The following PAX3 variants were observed in gnomAD, a reference collection of about 807,000 sequenced individuals.
PAX3 encodes paired box protein Pax-3.
A neutral mutation model predicts 51.6 loss-of-function variants in PAX3; 14 were observed. The ratio of observed to expected loss-of-function variants is 0.27; its 90% confidence interval spans 0.18 to 0.42. The LOEUF (loss-of-function observed/expected upper bound fraction) is 0.42, where lower values mean the gene tolerates loss of function less well. PAX3 is among the 10% of genes least tolerant of loss of function. The pLI is 1.00. For missense variants in PAX3, 540 were observed against 642.8 expected, an observed-to-expected ratio of 0.84 and a Z score of 1.73; for synonymous variants, 280 against 253.4, an observed-to-expected ratio of 1.11 and a Z score of -1.00.
chr2:222,286,682 A>G (rs551355959), intron 4 of PAX3, among the ~76,000 whole-genome samples: 6 of 152,372 alleles, frequency 3.9e-5, no homozygotes, highest in African/African-American at 1.4e-4. Flanking sequence ...AGAAATGTGC[A>G]TCAAATCAAA....
At chr2:222,282,969 G>T (rs1694698847) in intron 4 of PAX3, among the ~76,000 whole-genome samples, 2 of 152,180 alleles carry the variant, frequency 1.3e-5, no homozygotes. Context: ...GTGCCCAAAG[G>T]CAAACACACT....
intron 4 of PAX3, among the ~76,000 whole-genome samples, chr2:222,273,253 T>C (rs992196000): frequency 2.6e-5 from 4 of 152,160 alleles, no homozygotes; most frequent in Admixed American, 6.5e-5. Context: ...AATCTAGCAG[T>C]ATGGAACAGG....
rs946495073 is a variant in PAX3, at chr2:222,298,886, TC to T, written c.-272del. On this transcript the variant is annotated 5_prime_UTR_variant, in exon 1 of 9. Transcript: ENST00000392070. ...GTTTGGTACGAGTCTGGGCAAATGTTCCAGCGACTGGGGTCCCTGAAAAGGG... is the reference window on the plus strand; with the variant it reads ...GTTTGGTACGAGTCTGGGCAAATGTTCAGCGACTGGGGTCCCTGAAAAGGG... 6 of 544,506 alleles carry T rather than the reference TC, an allele frequency of 1.1e-5. No homozygotes were observed. Among genetic ancestry groups the T allele is most frequent in the Non-Finnish European group, 2.0e-5 (6 of 303,064 alleles). The allele number at this position is 544,506 out of a possible 1,614,324, so 33.7% of individuals were successfully genotyped here. A position where few individuals can be genotyped will look rare whatever the true frequency, so the allele number is the denominator to read the frequency against.
At chr2:222,294,416 T>C in intron 3 of PAX3, 115 bp from the exon 4 acceptor site, 2 of 1,137,130 alleles carry the variant, frequency 1.8e-6, no homozygotes, top group Admixed American at 1.9e-5. Flanking sequence ...GCCGCTGCCC[T>C]GCACTGCTCG....
intron 4 of PAX3, among the ~76,000 whole-genome samples, chr2:222,260,594 T>G (rs1574708528): frequency 3.4e-5 from 3 of 87,220 alleles, no homozygotes; most frequent in Non-Finnish European, 5.2e-5. Flanking sequence ...TTTTTTTGTT[T>G]TTTTTTTTTT....
chr2:222,282,052 AT>A (rs757966917), intron 4 of PAX3, among the ~76,000 whole-genome samples: 6 of 152,138 alleles, frequency 3.9e-5, no homozygotes, highest in African/African-American at 1.2e-4. Flanking sequence ...GTTTTTTCTT[AT>A]TTTTTTAAAA....
chr2:222,224,825 G>A (rs1477715598), intron 5 of PAX3, among the ~76,000 whole-genome samples: 1 of 152,042 alleles, frequency 6.6e-6, no homozygotes, highest in Non-Finnish European at 1.5e-5. Context: ...TTATAACTTA[G>A]TAGTTACACT....
At chr2:222,260,591 G>GTTTTTTTTTTTTTTTTTTTTTTTTTTTT (rs374339768) in intron 4 of PAX3, among the ~76,000 whole-genome samples, 4 of 63,070 alleles carry the variant, frequency 6.3e-5, no homozygotes, top group African/African-American at 2.0e-4. Context: ...TTTTTTTTTT[G>GTTTTTTTTTTTTTTTTTTTTTTTTTTTT]TTTTTTTTTT....
rs1691274600 is a variant in PAX3, at chr2:222,201,177, T to C, written c.*231A>G. 6.2e-7 allele frequency: 1 copy of C among 1,613,942 alleles called. No individual in the cohort carries two copies. Among genetic ancestry groups the C allele is most frequent in the Non-Finnish European group, 8.5e-7 (1 of 1,179,996 alleles). ...CTTAAAATGTTGCATTTGTCTTTTA[T>C]TGCTCCAGGTCTTCCTCTTCTCCAC... is the stretch of plus-strand genomic sequence containing the variant. On this transcript the variant is annotated 3_prime_UTR_variant, in exon 9 of 9. Transcript: ENST00000392070.
intron 7 of PAX3, among the ~76,000 whole-genome samples, chr2:222,209,078 T>A (rs556733196): frequency 6.6e-6 from 1 of 152,190 alleles, no homozygotes; most frequent in Non-Finnish European, 1.5e-5. Context: ...AGCAGAGGAA[T>A]GTTGGTCTAT....
chr2:222,226,282 T>C (rs533541604), intron 5 of PAX3, among the ~76,000 whole-genome samples: 47 of 152,310 alleles, frequency 3.1e-4, no homozygotes, highest in African/African-American at 1.0e-3. Context: ...AAGCTGCTCA[T>C]TTCCCTGGAC....
chr2:222,274,876 A>T (rs2106164465), intron 4 of PAX3, among the ~76,000 whole-genome samples: 1 of 152,248 alleles, frequency 6.6e-6, no homozygotes, highest in Non-Finnish European at 1.5e-5. Flanking sequence ...ATCTCTCATA[A>T]ATTCAACTTT....
intron 4 of PAX3, among the ~76,000 whole-genome samples, chr2:222,241,300 C>T (rs894189645): frequency 2.0e-5 from 3 of 152,132 alleles, no homozygotes; most frequent in Non-Finnish European, 2.9e-5. Context: ...CCTCTTATCG[C>T]GGGCTGGCCA....
rs150741440 is a variant in PAX3 at position 222,293,882 on chromosome 2, C to T, written c.586+285G>A. 3.7e-4 allele frequency: 601 copies of T among 1,605,220 alleles called. 3 individuals are homozygous for T. Among genetic ancestry groups the T allele is most frequent in the Middle Eastern group, 2.3e-3 (11 of 4,800 alleles). ...CAACAGAGTGAGAGCTTCCCCTGCCCCCTACAACAGAGCACAATTCACAGT... is the reference window on the plus strand; with the variant it reads ...CAACAGAGTGAGAGCTTCCCCTGCCTCCTACAACAGAGCACAATTCACAGT... On this transcript the variant is annotated intron_variant, in intron 4 of 8. Transcript: ENST00000392070.
chr2:222,218,611 T>C (rs1692061348), intron 7 of PAX3, among the ~76,000 whole-genome samples: 1 of 152,152 alleles, frequency 6.6e-6, no homozygotes, highest in African/African-American at 2.4e-5. Context: ...TACTTCTAAG[T>C]TGTGGAAGAA....
intron 4 of PAX3, among the ~76,000 whole-genome samples, chr2:222,292,141 A>T (rs1481800262): frequency 6.6e-6 from 1 of 152,250 alleles, no homozygotes; most frequent in East Asian, 1.9e-4. Context: ...TTGTAGGTGA[A>T]ATGGCCACTT....
At position 222,232,167 on chromosome 2, in the gene PAX3, C is replaced by T. The variant is rs1692622182; in HGVS notation, c.703G>A (p.Glu235Lys). Residue 235 changes from glutamate to lysine, a missense_variant, in exon 5 of 9, where the codon GAG becomes AAG. Coordinates refer to ENST00000392070, the MANE Select transcript of PAX3 (RefSeq NM_181458.4). The part of the protein sequence containing the change: ...TFTAEQLEEL[E>K]RAFERTHYPD... The stretch of plus-strand genomic sequence containing the variant: ...TAATGAGTTCTCTCAAAAGCACGCT[C>T]CAGTTCCTCCAGCTGTTCTGCTGTG... 1.2e-6 allele frequency: 2 copies of T among 1,613,930 alleles called. No individual in the cohort carries two copies. The highest frequency in any genetic ancestry group is 1.7e-6 in the Non-Finnish European group (2 of 1,179,956).
intron 4 of PAX3, among the ~76,000 whole-genome samples, chr2:222,232,795 C>T (rs752791724): frequency 2.0e-5 from 3 of 152,106 alleles, no homozygotes; most frequent in Non-Finnish European, 4.4e-5. Context: ...ATATTCCAAA[C>T]TTGACTTAGT....
At chr2:222,238,129 G>C (rs1432372611) in intron 4 of PAX3, among the ~76,000 whole-genome samples, 1 of 152,254 alleles carries the variant, frequency 6.6e-6, no homozygotes, top group South Asian at 2.1e-4. Context: ...ATCAAGCACA[G>C]GGCAACTGTC....
Sources: allele counts gnomAD v4.1 joint callset (sites outside exome capture counted in the v4.1 genomes callset), GRCh38; gene constraint gnomAD v4.1.1; transcripts MANE v1.5; gene names NCBI Gene and HGNC (gene_info 2026-07-23, HGNC 2026-07-21).